The following PTPRZ1 variants were observed in gnomAD, a reference collection of about 807,000 sequenced individuals.
PTPRZ1 encodes protein tyrosine phosphatase receptor type Z1.
A neutral mutation model predicts 214.1 loss-of-function variants in PTPRZ1; 82 were observed. That is an observed-to-expected ratio of 0.38 (90% CI 0.32 to 0.46). The LOEUF (loss-of-function observed/expected upper bound fraction) is 0.46. Ranked by LOEUF, PTPRZ1 falls within the 20% of genes least tolerant of loss-of-function variation. The pLI is 1.00. For missense variants in PTPRZ1, 2,603 were observed against 2,748.7 expected (o/e 0.95, Z 1.19); for synonymous variants, 945 against 987.9 (o/e 0.96, Z 0.81).
intron 1 of PTPRZ1, chr7:121,908,659 A>G (rs1053660967): frequency 4.4e-6 from 2 of 450,402 alleles, no homozygotes; most frequent in Non-Finnish European, 8.5e-6. Flanking sequence ...GCTTTTAAAA[A>G]TTAAAAACTT....
chr7:122,003,666 G>C (rs969352607), intron 10 of PTPRZ1, among the ~76,000 whole-genome samples: 1 of 152,144 alleles, frequency 6.6e-6, no homozygotes, highest in South Asian at 2.1e-4. Flanking sequence ...TTCCATAAAG[G>C]CATGGGAGTT....
intron 10 of PTPRZ1, among the ~76,000 whole-genome samples, chr7:122,004,348 C>T (rs1798416592): frequency 6.6e-6 from 1 of 151,884 alleles, no homozygotes; most frequent in African/African-American, 2.4e-5. Context: ...GACTTAGGGG[C>T]AGGGGAAATG....
At chr7:122,052,568 T>C (rs1048727595) in intron 25 of PTPRZ1, among the ~76,000 whole-genome samples, 4 of 152,162 alleles carry the variant, frequency 2.6e-5, no homozygotes, top group Non-Finnish European at 4.4e-5. Context: ...GGAATATCTA[T>C]GCAGGAAACA....
chr7:122,034,417 T>C (rs781654423), intron 17 of PTPRZ1, 39 bp downstream of exon 17: 1 of 1,583,328 alleles, frequency 6.3e-7, no homozygotes, highest in South Asian at 1.1e-5. Context: ...TTCAATATCA[T>C]TGCCATTTTG....
intron 4 of PTPRZ1, among the ~76,000 whole-genome samples, chr7:121,974,233 G>T (rs1797359839): frequency 6.6e-6 from 1 of 151,968 alleles, no homozygotes; most frequent in Non-Finnish European, 1.5e-5. Context: ...TATTTTTAAA[G>T]AAAAGCACAT....
At chr7:121,940,679 AATT>A (rs1796212514) in intron 2 of PTPRZ1, among the ~76,000 whole-genome samples, 1 of 152,188 alleles carries the variant, frequency 6.6e-6, no homozygotes, top group Non-Finnish European at 1.5e-5. Flanking sequence ...TGCTCAATAA[AATT>A]ATTATTTAAA....
chr7:121,969,368 C>T (rs1263478242), intron 3 of PTPRZ1, among the ~76,000 whole-genome samples: 4 of 152,106 alleles, frequency 2.6e-5, no homozygotes, highest in African/African-American at 4.8e-5. Flanking sequence ...TCAAGACCAG[C>T]TTGGTCAACA....
chr7:121,921,075 A>AT (rs1483645223), intron 1 of PTPRZ1, among the ~76,000 whole-genome samples: 1 of 152,098 alleles, frequency 6.6e-6, no homozygotes, highest in African/African-American at 2.4e-5. Flanking sequence ...GCCTACCTGT[A>AT]TTTTTTCTAA....
intron 1 of PTPRZ1, among the ~76,000 whole-genome samples, chr7:121,922,006 C>G (rs999413098): frequency 6.6e-6 from 1 of 152,130 alleles, no homozygotes; most frequent in Non-Finnish European, 1.5e-5. Flanking sequence ...AACTTCACAG[C>G]AAGCCAATCC....
chr7:121,926,056 G>C (rs1584645369), intron 1 of PTPRZ1, among the ~76,000 whole-genome samples: 1 of 152,160 alleles, frequency 6.6e-6, no homozygotes, highest in African/African-American at 2.4e-5. Flanking sequence ...TGTAATTCCA[G>C]CACTTTGGGA....
intron 10 of PTPRZ1, among the ~76,000 whole-genome samples, chr7:122,002,412 A>C (rs1282028970): frequency 3.9e-5 from 6 of 152,162 alleles, no homozygotes; most frequent in African/African-American, 1.4e-4. Flanking sequence ...AGGCCCAAAG[A>C]AAAAGTCTTG....
At chr7:122,008,812 A>G (rs982513085) in intron 11 of PTPRZ1, among the ~76,000 whole-genome samples, 3 of 152,172 alleles carry the variant, frequency 2.0e-5, no homozygotes, top group African/African-American at 7.2e-5. Flanking sequence ...AAAACTCTGC[A>G]TCACATTATA....
chr7:121,992,725 A>C (rs1223277365), intron 8 of PTPRZ1, among the ~76,000 whole-genome samples: 1 of 132,262 alleles, frequency 7.6e-6, no homozygotes, highest in Non-Finnish European at 1.8e-5. Flanking sequence ...GAGCATCCTA[A>C]AGGCTGAGAC....
At chr7:121,971,398 C>A (rs550231649) in intron 3 of PTPRZ1, among the ~76,000 whole-genome samples, 1 of 152,182 alleles carries the variant, frequency 6.6e-6, no homozygotes, top group Admixed American at 6.5e-5. Context: ...CATTCAATGA[C>A]AGAGGGTGAC....
At chr7:122,043,939 G>T (rs1287560626) in intron 22 of PTPRZ1, among the ~76,000 whole-genome samples, 1 of 152,012 alleles carries the variant, frequency 6.6e-6, no homozygotes, top group African/African-American at 2.4e-5. Flanking sequence ...ATAACATTCT[G>T]GTCATATAAG....
chr7:121,922,351 A>G (rs1795624874), intron 1 of PTPRZ1, among the ~76,000 whole-genome samples: 1 of 152,118 alleles, frequency 6.6e-6, no homozygotes, highest in Non-Finnish European at 1.5e-5. Context: ...GAGGTCAGAT[A>G]TTCGAGACCA....
chr7:121,985,188 GC>G (rs2116572843), intron 8 of PTPRZ1, among the ~76,000 whole-genome samples: 1 of 152,172 alleles, frequency 6.6e-6, no homozygotes, highest in African/African-American at 2.4e-5. Flanking sequence ...AAACTAAATT[GC>G]CCCAAAGTGA....
chr7:122,012,625 C>T lies in PTPRZ1; in HGVS notation c.3579C>T (p.Thr1193=). Residue 1193 remains threonine (T), a synonymous_variant, in exon 12 of 30, where the codon ACC becomes ACT. Coordinates refer to ENST00000393386, the MANE Select transcript of PTPRZ1 (RefSeq NM_002851.3). ...QPSFQASDVD[T]LLKTVLPAVP... is the part of the protein sequence containing the mutation. Reference sequence around the variant, plus strand: ...CCTTTCAGGCTTCTGATGTTGACACCTTGCTTAAAACTGTTCTTCCAGCTG... The same window carrying T: ...CCTTTCAGGCTTCTGATGTTGACACTTTGCTTAAAACTGTTCTTCCAGCTG... 1 of 1,613,816 alleles carries T rather than the reference C, an allele frequency of 6.2e-7. No homozygotes were observed. The highest frequency in any genetic ancestry group is 8.5e-7 in the Non-Finnish European group (1 of 1,179,792).
intron 8 of PTPRZ1, among the ~76,000 whole-genome samples, chr7:121,992,014 T>C (rs947465219): frequency 6.6e-6 from 1 of 152,210 alleles, no homozygotes; most frequent in Non-Finnish European, 1.5e-5. Context: ...GTGGTGGACT[T>C]ATTAGCATGT....
Sources: allele counts gnomAD v4.1 joint callset (sites outside exome capture counted in the v4.1 genomes callset), GRCh38; gene constraint gnomAD v4.1.1; transcripts MANE v1.5; gene names NCBI Gene and HGNC (gene_info 2026-07-23, HGNC 2026-07-21).